SLC8A1: variants seen among roughly 807,000 people sequenced by gnomAD.
The protein encoded by SLC8A1 is solute carrier family 8 member A1.
A neutral mutation model predicts 68.3 loss-of-function variants in SLC8A1; 18 were observed. The ratio of observed to expected loss-of-function variants is 0.26; its 90% CI spans 0.18 to 0.39. The LOEUF (loss-of-function observed/expected upper bound fraction) is 0.39, where lower values mean the gene tolerates loss of function less well. Among genes scored for constraint, SLC8A1 ranks in the 10% least tolerant of loss-of-function variants. SLC8A1 has a pLI of 1.00. For synonymous variants in SLC8A1, 475 were observed against 415.5 expected, an observed-to-expected ratio of 1.14 and a Z score of -1.74; for missense variants, 985 against 1,156.7, an observed-to-expected ratio of 0.85 and a Z score of 2.15.
chr2:40,119,455 C>T (rs1301365963), intron 7 of SLC8A1, among the ~76,000 whole-genome samples: 1 of 152,146 alleles, frequency 6.6e-6, no homozygotes, highest in African/African-American at 2.4e-5. Context: ...CTTTTATTGC[C>T]GCTTTGCTGC....
At chr2:40,289,099 CT>C (rs35030548) in intron 2 of SLC8A1, among the ~76,000 whole-genome samples, 20 of 146,966 alleles carry the variant, frequency 1.4e-4, no homozygotes, top group African/African-American at 2.5e-4. Flanking sequence ...ATGACTGATT[CT>C]TTTTTTTTTC....
At chr2:40,437,405 C>T (rs902514305) in intron 1 of SLC8A1, among the ~76,000 whole-genome samples, 11 of 152,028 alleles carry the variant, frequency 7.2e-5, no homozygotes, top group African/African-American at 1.4e-4. Context: ...CACTTCTATT[C>T]GTCACATAGC....
chr2:40,471,175 A>T (rs1703967301), intron 1 of SLC8A1, among the ~76,000 whole-genome samples: 1 of 152,190 alleles, frequency 6.6e-6, no homozygotes, highest in Admixed American at 6.5e-5. Context: ...TAATCTTTAG[A>T]ACCACCCTCT....
At chr2:40,412,871 G>A (rs1219214749) in intron 2 of SLC8A1, among the ~76,000 whole-genome samples, 1 of 152,110 alleles carries the variant, frequency 6.6e-6, no homozygotes, top group Non-Finnish European at 1.5e-5. Context: ...ATGCTAGAGT[G>A]TAATCTAGGT....
intron 2 of SLC8A1, among the ~76,000 whole-genome samples, chr2:40,396,748 T>TAAAAAAAAAAAAAAAAAAAAAAAAAA (rs368483768): frequency 8.0e-5 from 7 of 87,086 alleles, no homozygotes; most frequent in African/African-American, 6.2e-5. Context: ...CTCTAATAAC[T>TAAAAAAAAAAAAAAAAAAAAAAAAAA]AAAAAAAAAA....
chr2:40,168,791 A>T (rs972179908), intron 4 of SLC8A1, among the ~76,000 whole-genome samples: 5 of 152,288 alleles, frequency 3.3e-5, no homozygotes, highest in Middle Eastern at 6.8e-3. Context: ...TCTCAGATGG[A>T]AAATATACTC....
intron 7 of SLC8A1, among the ~76,000 whole-genome samples, chr2:40,134,162 G>C (rs1046422281): frequency 6.6e-6 from 1 of 151,768 alleles, no homozygotes; most frequent in African/African-American, 2.4e-5. Flanking sequence ...TGCAATCTCG[G>C]CTCACTGCAA....
At chr2:40,339,390 T>C (rs757952135) in intron 2 of SLC8A1, among the ~76,000 whole-genome samples, 3 of 152,188 alleles carry the variant, frequency 2.0e-5, no homozygotes, top group East Asian at 1.9e-4. Flanking sequence ...GCCTCTCTGA[T>C]GAGCAGTGGC....
At chr2:40,425,048 G>C (rs57088538) in intron 2 of SLC8A1, among the ~76,000 whole-genome samples, 2 of 151,684 alleles carry the variant, frequency 1.3e-5, no homozygotes, top group South Asian at 4.1e-4. Context: ...TTTTTTATTA[G>C]CTGTTAACAT....
intron 2 of SLC8A1, among the ~76,000 whole-genome samples, chr2:40,261,723 C>T (rs915437872): frequency 7.6e-5 from 6 of 78,584 alleles, no homozygotes; most frequent in East Asian, 4.0e-4. Context: ...GAAAAATGTG[C>T]GAGTGGGTAC....
At chr2:40,285,953 G>C (rs562025484) in intron 2 of SLC8A1, among the ~76,000 whole-genome samples, 1 of 152,228 alleles carries the variant, frequency 6.6e-6, no homozygotes, top group East Asian at 1.9e-4. Context: ...CCAAAATGAT[G>C]TTTGAAATGC....
intron 2 of SLC8A1, among the ~76,000 whole-genome samples, chr2:40,191,531 C>G (rs748645612): frequency 6.6e-6 from 1 of 152,176 alleles, no homozygotes; most frequent in African/African-American, 2.4e-5. Flanking sequence ...GTTTTGCTTT[C>G]TTTCCCTTTT....
intron 2 of SLC8A1, among the ~76,000 whole-genome samples, chr2:40,209,610 C>T (rs993990919): frequency 6.6e-6 from 1 of 152,140 alleles, no homozygotes; most frequent in African/African-American, 2.4e-5. Context: ...GATAAGGGTG[C>T]TACCAGGGAG....
chr2:40,156,770 GTA>G (rs1287091243), intron 6 of SLC8A1, among the ~76,000 whole-genome samples: 1 of 152,118 alleles, frequency 6.6e-6, no homozygotes, highest in African/African-American at 2.4e-5. Flanking sequence ...CATGTTTTGT[GTA>G]TCTTTGTCTT....
chr2:40,107,558 C>A (rs1441099491), exon 8 of SLC8A1: 1 of 152,094 alleles, frequency 6.6e-6, no homozygotes. Context: ...TAAAAAAGTA[C>A]TTCTCTTTGT....
At chr2:40,307,529 AT>A (rs963860126) in intron 2 of SLC8A1, among the ~76,000 whole-genome samples, 9 of 152,174 alleles carry the variant, frequency 5.9e-5, no homozygotes, top group African/African-American at 2.2e-4. Flanking sequence ...TAAATTTTAT[AT>A]TTTTTACTAC....
chr2:40,306,229 G>A (rs1020687302), intron 2 of SLC8A1, among the ~76,000 whole-genome samples: 19 of 152,206 alleles, frequency 1.2e-4, no homozygotes, highest in African/African-American at 4.3e-4. Flanking sequence ...TGCTCATGTC[G>A]AGCAGCAGCT....
At chr2:40,379,781 G>A (rs980526847) in intron 2 of SLC8A1, among the ~76,000 whole-genome samples, 3 of 151,732 alleles carry the variant, frequency 2.0e-5, no homozygotes, top group African/African-American at 4.8e-5. Context: ...TTTTCCTTGG[G>A]GCAGCATCTT....
At chr2:40,139,998 T>C (rs1042035106) in intron 6 of SLC8A1, among the ~76,000 whole-genome samples, 3 of 152,172 alleles carry the variant, frequency 2.0e-5, no homozygotes, top group African/African-American at 7.2e-5. Context: ...AAATGATTTA[T>C]TCCAAAAGGC....
Sources: gnomAD v4.1 joint callset for allele counts (sites outside exome capture counted in the v4.1 genomes callset) on GRCh38, gnomAD v4.1.1 for gene constraint, MANE v1.5 for transcripts, NCBI Gene and HGNC (gene_info 2026-07-23, HGNC 2026-07-21) for gene names.